C2CD3: variants seen among roughly 807,000 people sequenced by gnomAD.
C2CD3 encodes the protein C2 domain-containing protein 3.
In C2CD3, 148 loss-of-function variants were observed where a neutral mutation model predicts 234.0. The observed-to-expected ratio is 0.63, with a 90% CI of 0.55 to 0.72. The LOEUF (loss-of-function observed/expected upper bound fraction) is 0.72. C2CD3 is among the 30% of genes least tolerant of loss of function. The pLI is 0.00. For missense variants in C2CD3, 2,577 were observed against 2,811.5 expected, an observed-to-expected ratio of 0.92 and a Z score of 1.89; for synonymous variants, 1,000 against 1,035.4, an observed-to-expected ratio of 0.97 and a Z score of 0.66.
At chr11:74,048,398 A>G in intron 27 of C2CD3, 60 bp from the exon 28 acceptor site, 1 of 1,561,178 alleles carries the variant, frequency 6.4e-7, no homozygotes, top group South Asian at 1.2e-5. Context: ...GTAACAAAGC[A>G]GTATATAAAT....
intron 3 of C2CD3, among the ~76,000 whole-genome samples, chr11:74,150,560 A>C (rs118027171): frequency 0.034 from 5,105 of 150,210 alleles, 148 homozygotes; most frequent in South Asian, 0.097. Context: ...AAAACATATA[A>C]AATTAGAAAA....
rs1387253658 is a variant in C2CD3, at chr11:74,013,384, G to A, written c.*1C>T. The A allele has an allele frequency of 1.4e-5, 14 of 1,011,258 alleles. No individual in the cohort carries two copies. The highest frequency in any genetic ancestry group is 6.3e-5 in the East Asian group (2 of 31,616). 62.6% of individuals were successfully genotyped at this position (1,011,258 alleles called of 1,614,324 possible). On this transcript the variant is annotated 3_prime_UTR_variant, in exon 33 of 33. Transcript: ENST00000334126. ...CCTTCCCCCCAGCCCCTCAGGCTGC[G>A]TCAGTCTTTCTGGGAGTACTGAGAA...
At chr11:74,050,404 T>TA (rs1953619275) in intron 26 of C2CD3, among the ~76,000 whole-genome samples, 2 of 152,236 alleles carry the variant, frequency 1.3e-5, no homozygotes, top group African/African-American at 2.4e-5. Context: ...ATTCTCTTTT[T>TA]ATTGGACAAG....
At chr11:74,104,570 A>C (rs1956440373) in intron 13 of C2CD3, among the ~76,000 whole-genome samples, 1 of 152,174 alleles carries the variant, frequency 6.6e-6, no homozygotes, top group Non-Finnish European at 1.5e-5. Flanking sequence ...AGGCAGACAG[A>C]CAATTATAAA....
rs765440245 is a variant in C2CD3 at position 74,103,525 on chromosome 11, G to C, written c.2186C>G (p.Pro729Arg). 2 of 1,614,062 alleles carry C rather than the reference G, an allele frequency of 1.2e-6. No individual in the cohort carries two copies. The highest frequency in any genetic ancestry group is 1.7e-6 in the Non-Finnish European group (2 of 1,180,008). ...GTTAAGTTCTGGTAGTGCCTTATTT[G>C]GACTTGTAGGAGCACAAAGTGGGGT... ...HYTPLCAPTS[P>R]NKALPELNQD... Residue 729 changes from proline (P) to arginine (R), a missense_variant, in exon 14 of 33, where the codon CCA becomes CGA. Transcript: ENST00000334126.
chr11:74,116,854 GTGTATATACACGTGTATA>G lies in C2CD3; in HGVS notation c.1520+1356_1520+1373del, dbSNP rs1286597140. 8.2e-5 allele frequency among the ~76,000 whole-genome samples: 11 copies of G among 134,740 alleles called. No individual in the cohort carries two copies. In the East Asian group the frequency reaches 2.4e-3, roughly 30 times the overall value. The allele number at this position is 134,740 out of a possible 152,430, so 88.4% of individuals were successfully genotyped here. A position where few individuals can be genotyped will look rare whatever the true frequency, so the allele number is the denominator to read the frequency against. On this transcript the variant is annotated intron_variant, in intron 9 of 32. Coordinates refer to ENST00000334126, the MANE Select transcript of C2CD3 (RefSeq NM_001286577.2). ...TGTGTGTATATATACACGTGTATAT[GTGTATATACACGTGTATA>G]TGTATATATACACACGTGTATATAT...
chr11:74,120,699 CCA>C (rs2135520938), intron 8 of C2CD3, among the ~76,000 whole-genome samples: 1 of 152,286 alleles, frequency 6.6e-6, no homozygotes, highest in South Asian at 2.1e-4. Flanking sequence ...TGAGGAATTG[CCA>C]CATTGCCTTC....
intron 2 of C2CD3, among the ~76,000 whole-genome samples, chr11:74,162,957 G>A (rs1357298271): frequency 6.6e-6 from 1 of 152,138 alleles, no homozygotes; most frequent in Non-Finnish European, 1.5e-5. Flanking sequence ...TTGGAACCAA[G>A]AGAAATGAAA....
At chr11:74,054,935 A>G (rs1303687366) in intron 25 of C2CD3, among the ~76,000 whole-genome samples, 5 of 152,158 alleles carry the variant, frequency 3.3e-5, no homozygotes, top group Non-Finnish European at 7.4e-5. Context: ...TTTCCCTAAG[A>G]CAGAGGAGGA....
At chr11:74,086,817 G>T (rs139504846) in intron 20 of C2CD3, among the ~76,000 whole-genome samples, 1 of 152,288 alleles carries the variant, frequency 6.6e-6, no homozygotes, top group Non-Finnish European at 1.5e-5. Flanking sequence ...TCTAGGCAAA[G>T]AAATCACCTA....
chr11:74,061,583 T>C (rs1000720608), intron 24 of C2CD3, among the ~76,000 whole-genome samples: 2 of 152,204 alleles, frequency 1.3e-5, no homozygotes, highest in African/African-American at 4.8e-5. Flanking sequence ...GAGAGATTTT[T>C]CTCACCACCA....
At chr11:74,026,726 T>C (rs528076747) in intron 32 of C2CD3, among the ~76,000 whole-genome samples, 5 of 152,170 alleles carry the variant, frequency 3.3e-5, no homozygotes, top group African/African-American at 7.2e-5. Context: ...TCCCAGCACT[T>C]TGGGAGGCTG....
At chr11:74,158,698 TACA>T (rs1856214284) in intron 3 of C2CD3, among the ~76,000 whole-genome samples, 1 of 145,710 alleles carries the variant, frequency 6.9e-6, no homozygotes, top group African/African-American at 2.6e-5. Flanking sequence ...CTCCAACCTG[TACA>T]ACAAGAGCAA....
Position 74,106,513 on chromosome 11 carries a change from A to G in C2CD3, c.1963-20T>C, listed in dbSNP as rs189278621. On this transcript the variant is annotated intron_variant, in intron 12 of 32. Transcript: ENST00000334126. ...TTCTGGCTGAGAAAGAAGGAAAGAG[A>G]ACATTTAGATTAATTAAAGAGAAGC... 2,349 of 1,611,362 alleles carry G rather than the reference A, an allele frequency of 1.5e-3. 7 individuals carry two copies. Among genetic ancestry groups the G allele is most frequent in the Middle Eastern group, 1.5e-3 (9 of 6,040 alleles).
rs746518341 is a variant in C2CD3, at chr11:74,090,765, G to C, written c.3641+48C>G. 2.4e-5 allele frequency: 39 copies of C among 1,607,552 alleles called. 1 individual carries two copies. In the South Asian group the frequency reaches 4.2e-4, roughly 17 times the overall value. On this transcript the variant is annotated intron_variant, in intron 20 of 32. Transcript: ENST00000334126. The stretch of plus-strand genomic sequence containing the variant: ...GCATATCTGAGCATTATTTTACAAT[G>C]ATTGCAGTGTAAAAGGCTTGAGAAT...
intron 3 of C2CD3, among the ~76,000 whole-genome samples, chr11:74,148,520 T>G (rs977170701): frequency 1.3e-5 from 2 of 152,146 alleles, no homozygotes; most frequent in Admixed American, 1.3e-4. Flanking sequence ...TTTGATACTT[T>G]TGATACTTTT....
chr11:74,037,736 T>C, intron 29 of C2CD3, 38 bp from the exon 30 acceptor site: 1 of 1,477,490 alleles, frequency 6.8e-7, no homozygotes, highest in South Asian at 1.2e-5. Flanking sequence ...AAAGGGGTAA[T>C]TCATGGAGAT....
chr11:74,030,696 G>A (rs1383129263), intron 31 of C2CD3, among the ~76,000 whole-genome samples: 3 of 151,954 alleles, frequency 2.0e-5, no homozygotes, highest in East Asian at 1.9e-4. Context: ...TGCCCTCATC[G>A]ACTCCCAGAG....
intron 24 of C2CD3, among the ~76,000 whole-genome samples, chr11:74,064,076 T>A (rs915449184): frequency 2.1e-5 from 3 of 144,338 alleles, no homozygotes; most frequent in African/African-American, 7.7e-5. Flanking sequence ...GTCCCCGGAG[T>A]GTGATGTTCC....
Sources: allele counts gnomAD v4.1 joint callset (sites outside exome capture counted in the v4.1 genomes callset), GRCh38; gene constraint gnomAD v4.1.1; transcripts MANE v1.5; gene names NCBI Gene and HGNC (gene_info 2026-07-23, HGNC 2026-07-21).